Variants in SIDT2 observed in about 807,000 individuals in gnomAD.
The protein encoded by SIDT2 is SID1 transmembrane family member 2.
Under a neutral mutation model 114.4 loss-of-function variants are expected in SIDT2, and 68 were observed. That is an observed-to-expected ratio of 0.59 (90% CI 0.49 to 0.73). The LOEUF (loss-of-function observed/expected upper bound fraction) is 0.73, where lower values mean the gene tolerates loss of function less well. Among genes scored for constraint, SIDT2 ranks in the 30% least tolerant of loss-of-function variants. SIDT2 has a pLI of 0.00. For synonymous variants in SIDT2, 470 were observed against 438.4 expected, an observed-to-expected ratio of 1.07 and a Z score of -0.90; for missense variants, 918 against 1,097.1, an observed-to-expected ratio of 0.84 and a Z score of 2.31.
rs373215219 is a variant in SIDT2 at position 117,179,648 on chromosome 11, TTTTTG to T, written c.183+203_183+207del. On this transcript the variant is annotated intron_variant, in intron 1 of 25. Coordinates refer to ENST00000324225, the MANE Select transcript of SIDT2 (RefSeq NM_001040455.2). ...TTTCTCTGAAGCTCCAGCTGGGCAGTTTTTGAAGTTGGCTCATTCCCATCTTCTCT... is the reference window on the plus strand; with the variant it reads ...TTTCTCTGAAGCTCCAGCTGGGCAGTAAGTTGGCTCATTCCCATCTTCTCT... 17 of 566,628 alleles carry T rather than the reference TTTTTG, an allele frequency of 3.0e-5. No homozygotes were observed. The African/African-American group carries it at 3.2e-4, about 11-fold the overall frequency. 35.1% of individuals were successfully genotyped at this position (566,628 alleles called of 1,614,324 possible). A position where few individuals can be genotyped will look rare whatever the true frequency, so the allele number is the denominator to read the frequency against.
In SIDT2 at chr11:117,191,960, C is replaced by T. The variant is rs766221642; in HGVS notation, c.1818C>T (p.Ala606=). The change falls in exon 19 of 26, where the codon GCC becomes GCT. Residue 606 remains alanine, a synonymous_variant. Coordinates refer to ENST00000324225, the MANE Select transcript of SIDT2 (RefSeq NM_001040455.2). ...QKRHPDINAS[A]YSAYACLAIV... ...GGCACCCGGACATCAACGCCAGCGC[C>T]TACAGTGCCTACGCCTGCCTGGCCA... The T allele has an allele frequency of 6.2e-7, 1 of 1,614,214 alleles. No individual in the cohort carries two copies. The highest frequency in any genetic ancestry group is 8.5e-7 in the Non-Finnish European group (1 of 1,180,046).
At chr11:117,182,668 T>G in intron 5 of SIDT2, 48 bp downstream of exon 5, 1 of 1,614,062 alleles carries the variant, frequency 6.2e-7, no homozygotes, top group South Asian at 1.1e-5. Context: ...GCAGGGCTGC[T>G]AAAGAGAGGG....
intron 8 of SIDT2, among the ~76,000 whole-genome samples, chr11:117,184,731 T>C (rs1490289245): frequency 1.3e-5 from 2 of 152,152 alleles, no homozygotes; most frequent in Non-Finnish European, 2.9e-5. Context: ...AAGGTGCCTC[T>C]CTTTCTTTTT....
At chr11:117,181,730 G>A in intron 2 of SIDT2, 77 bp from the exon 3 acceptor site, 3 of 1,601,606 alleles carry the variant, frequency 1.9e-6, no homozygotes, top group Non-Finnish European at 2.6e-6. Flanking sequence ...GACGGGGCGA[G>A]GTGGGGCCTC....
intron 4 of SIDT2, 73 bp from the exon 5 acceptor site, chr11:117,182,446 A>C (rs2030326256): frequency 3.0e-6 from 4 of 1,342,582 alleles, no homozygotes; most frequent in Non-Finnish European, 4.3e-6. Context: ...CTTATAGGGG[A>C]CTATTCCCTT....
intron 8 of SIDT2, chr11:117,185,818 G>A (rs2030469390): frequency 3.7e-6 from 1 of 268,216 alleles, no homozygotes; most frequent in African/African-American, 2.4e-5. Flanking sequence ...AGGCTGCAGT[G>A]AGCTATGATC....
At chr11:117,195,307 G>T (rs1328384698) in intron 24 of SIDT2, among the ~76,000 whole-genome samples, 1 of 152,070 alleles carries the variant, frequency 6.6e-6, no homozygotes, top group South Asian at 2.1e-4. Context: ...GCCTGGATGA[G>T]CTTATGGGAT....
At chr11:117,181,075 G>C (rs1009717790) in intron 1 of SIDT2, among the ~76,000 whole-genome samples, 4 of 152,162 alleles carry the variant, frequency 2.6e-5, no homozygotes, top group Non-Finnish European at 5.9e-5. Flanking sequence ...GTACACGTTT[G>C]TGTGTGCAGG....
rs1038000608 is a variant in SIDT2, at chr11:117,192,936, TG to T, written c.2105+75del. 1.4e-4 allele frequency: 228 copies of T among 1,592,872 alleles called. No individual in the cohort carries two copies. The highest frequency in any genetic ancestry group is 8.3e-4 in the Middle Eastern group (5 of 6,024). On this transcript the variant is annotated intron_variant, in intron 22 of 25. Coordinates refer to ENST00000324225, the MANE Select transcript of SIDT2 (RefSeq NM_001040455.2). The surrounding 1 kb of genome is among the most constrained non-coding windows in gnomAD (Gnocchi z 5.9). ...GGACTCGGTCAGCCACTGGCTGCCT[TG>T]GGGGCTAAGGACAACTTCCAAATGT...
intron 8 of SIDT2, among the ~76,000 whole-genome samples, chr11:117,185,485 GT>G (rs1565285793): frequency 6.6e-6 from 1 of 152,204 alleles, no homozygotes; most frequent in Admixed American, 6.5e-5. Context: ...GTTAAGAGCT[GT>G]GGTGAGCAAG....
chr11:117,191,601 G>A (rs1486434735), intron 18 of SIDT2: 1 of 424,144 alleles, frequency 2.4e-6, no homozygotes, highest in Non-Finnish European at 4.2e-6. Context: ...ATAAAAGGGA[G>A]TCCCTGATCT....
intron 24 of SIDT2, among the ~76,000 whole-genome samples, chr11:117,195,085 CAAAAAAAAAAAAAAA>C (rs55970874): frequency 4.4e-5 from 2 of 45,698 alleles, no homozygotes; most frequent in Non-Finnish European, 8.7e-5. Flanking sequence ...GACTCTGTCT[CAAAAAAAAAAAAAAA>C]AAAAAAAAAA....
chr11:117,186,286 C>T (rs2030493629), intron 9 of SIDT2, 63 bp downstream of exon 9: 2 of 1,429,254 alleles, frequency 1.4e-6, no homozygotes, highest in African/African-American at 1.4e-5. Flanking sequence ...TGGGGCAGAT[C>T]ACCTGGCAGG....
At chr11:117,193,096 A>G in intron 22 of SIDT2, 57 bp from the exon 23 acceptor site, 1 of 1,559,942 alleles carries the variant, frequency 6.4e-7, no homozygotes, top group Admixed American at 1.7e-5. Context: ...CAGGGCAGGA[A>G]GAGCACTTCC....
At chr11:117,193,709 T>C (rs1272786490) in intron 23 of SIDT2, 144 bp from the exon 24 acceptor site, 2 of 618,282 alleles carry the variant, frequency 3.2e-6, no homozygotes, top group African/African-American at 1.8e-5. Flanking sequence ...AGCTCTGTGG[T>C]TGTGCGGAAT....
At chr11:117,187,276 G>A in intron 10 of SIDT2, 102 bp from the exon 11 acceptor site, 2 of 1,180,878 alleles carry the variant, frequency 1.7e-6, no homozygotes, top group Non-Finnish European at 2.5e-6. Flanking sequence ...TGCTGGCATG[G>A]CCTCCCTGTG....
chr11:117,196,352 CTTTGG>C lies in SIDT2; in HGVS notation c.*287_*291del. 2.1e-6 allele frequency: 1 copy of C among 476,076 alleles called. No homozygotes were observed. The highest frequency in any genetic ancestry group is 2.5e-5 in the South Asian group (1 of 39,746). 29.5% of individuals were successfully genotyped at this position (476,076 alleles called of 1,614,324 possible). A position where few individuals can be genotyped will look rare whatever the true frequency, so the allele number is the denominator to read the frequency against. Reference sequence around the variant, plus strand: ...TTGGGGCCTTCCATGGGCCCCTGTCCTTTGGCTCTCCATTTGTCCCTTTGCAAGAG... The same window carrying C: ...TTGGGGCCTTCCATGGGCCCCTGTCCCTCTCCATTTGTCCCTTTGCAAGAG... On this transcript the variant is annotated 3_prime_UTR_variant, in exon 26 of 26. Transcript: ENST00000324225. This position sits in a 1 kb window ranked among gnomAD's most constrained non-coding sequence, Gnocchi z 4.9.
chr11:117,179,582 C>G, intron 1 of SIDT2, 136 bp downstream of exon 1: 2 of 829,988 alleles, frequency 2.4e-6, no homozygotes, highest in South Asian at 1.8e-5. Flanking sequence ...CAGAACCACA[C>G]TGGAGCCTCT....
In SIDT2 at chr11:117,193,132, A is replaced by T. The variant is rs200364664; in HGVS notation, c.2106-21A>T. On this transcript the variant is annotated intron_variant, in intron 22 of 25. Coordinates refer to ENST00000324225, the MANE Select transcript of SIDT2 (RefSeq NM_001040455.2). ...TTGCCCTTGGGCTTCCTGCTTCACC[A>T]CCCTTCATCCCTCTTGCCAGGGCTG... The T allele has an allele frequency of 3.1e-6, 5 of 1,612,662 alleles. No homozygotes were observed. In the African/African-American group the frequency reaches 6.7e-5, roughly 22 times the overall value.
Sources: gnomAD v4.1 joint callset for allele counts (sites outside exome capture counted in the v4.1 genomes callset) on GRCh38, gnomAD v4.1.1 for gene constraint, Gnocchi (gnomAD v3.1) non-coding constraint, MANE v1.5 for transcripts, NCBI Gene and HGNC (gene_info 2026-07-23, HGNC 2026-07-21) for gene names.